The following RSPO3 variants were observed in gnomAD, a reference collection of about 807,000 sequenced individuals.
The protein encoded by RSPO3 is R-spondin 3.
A neutral mutation model predicts 36.5 loss-of-function variants in RSPO3; 17 were observed. That is an observed-to-expected ratio of 0.47 (90% CI 0.32 to 0.70). The LOEUF is 0.70. RSPO3 is among the 30% of genes least tolerant of loss of function. The pLI is 0.04. For synonymous variants in RSPO3, 108 were observed against 107.0 expected (o/e 1.01, Z -0.06); for missense variants, 294 against 322.5 (o/e 0.91, Z 0.68).
intron 4 of RSPO3, among the ~76,000 whole-genome samples, chr6:127,184,353 A>G (rs946791139): frequency 1.3e-5 from 2 of 152,058 alleles, no homozygotes; most frequent in Non-Finnish European, 1.5e-5. Flanking sequence ...ACAAAATTCA[A>G]TATCACCTTG....
intron 4 of RSPO3, among the ~76,000 whole-genome samples, chr6:127,183,859 C>T (rs560362261): frequency 5.9e-5 from 9 of 151,994 alleles, no homozygotes; most frequent in African/African-American, 1.2e-4. Flanking sequence ...AAGACATAAC[C>T]GAGACTGGGT....
At chr6:127,157,259 A>G (rs1056423589) in intron 4 of RSPO3, among the ~76,000 whole-genome samples, 3 of 152,134 alleles carry the variant, frequency 2.0e-5, no homozygotes, top group African/African-American at 7.2e-5. Flanking sequence ...GTCTTTGCTC[A>G]TATCATTCTT....
At chr6:127,180,770 C>T (rs188410849) in intron 4 of RSPO3, among the ~76,000 whole-genome samples, 2 of 151,744 alleles carry the variant, frequency 1.3e-5, no homozygotes, top group Admixed American at 1.3e-4. Flanking sequence ...TTCATAGAGA[C>T]CATTTATTAT....
Position 127,177,530 on chromosome 6 carries a change from A to G in RSPO3, c.635-18293A>G, listed in dbSNP as rs537195164. Among the ~76,000 whole-genome samples the G allele has an allele frequency of 1.6e-4, 24 of 151,996 alleles. No individual in the cohort carries two copies. The East Asian group carries it at 2.9e-3, about 18-fold the overall frequency. On this transcript the variant is annotated intron_variant, in intron 4 of 4. Transcript: ENST00000356698. Reference sequence around the variant, plus strand: ...ATTTGAGATTAGCACCAGATGCTCCATGCCAGTAATAAGTGCTGATCATAA... The same window carrying G: ...ATTTGAGATTAGCACCAGATGCTCCGTGCCAGTAATAAGTGCTGATCATAA...
intron 4 of RSPO3, among the ~76,000 whole-genome samples, chr6:127,189,072 G>T (rs1246553839): frequency 6.6e-6 from 1 of 152,070 alleles, no homozygotes; most frequent in Non-Finnish European, 1.5e-5. Flanking sequence ...AAAAGTAATG[G>T]CACAAACCAC....
chr6:127,180,498 A>C (rs895902826), intron 4 of RSPO3, among the ~76,000 whole-genome samples: 12 of 148,818 alleles, frequency 8.1e-5, no homozygotes, highest in African/African-American at 2.2e-4. Flanking sequence ...AAAAAAAAAA[A>C]AAAAAAAAAA....
Position 127,196,033 on chromosome 6 carries a change from T to G in RSPO3, c.*26T>G, listed in dbSNP as rs1341178059. 4 of 1,550,980 alleles carry G rather than the reference T, an allele frequency of 2.6e-6. No homozygotes were observed. Among genetic ancestry groups the G allele is most frequent in the Middle Eastern group, 1.7e-4 (1 of 5,826 alleles). ...AGGGTTCCATGAGATTATTGTAGAC[T>G]CATGATGCTGCTATCTCAACCAGAT... On this transcript the variant is annotated 3_prime_UTR_variant, in exon 5 of 5. Coordinates refer to ENST00000356698, the MANE Select transcript of RSPO3 (RefSeq NM_032784.5).
chr6:127,173,284 T>C (rs1014168287), intron 4 of RSPO3, among the ~76,000 whole-genome samples: 3 of 151,842 alleles, frequency 2.0e-5, no homozygotes, highest in African/African-American at 4.8e-5. Context: ...TAAAGCCAAA[T>C]AGTTTTCACA....
chr6:127,172,272 C>T (rs2114618790), intron 4 of RSPO3, among the ~76,000 whole-genome samples: 1 of 150,564 alleles, frequency 6.6e-6, no homozygotes, highest in Admixed American at 6.6e-5. Flanking sequence ...TGTTAATTTC[C>T]TAGTCTAAAA....
intron 4 of RSPO3, among the ~76,000 whole-genome samples, chr6:127,184,191 C>T (rs1178660005): frequency 6.6e-6 from 1 of 151,938 alleles, no homozygotes; most frequent in African/African-American, 2.4e-5. Flanking sequence ...AACCACCCTA[C>T]TCCAAAATAA....
At position 127,164,168 on chromosome 6, in the gene RSPO3, G is replaced by A. The variant is rs571270801; in HGVS notation, c.634+8730G>A. Among the ~76,000 whole-genome samples, 5 of 152,134 alleles carry A rather than the reference G, an allele frequency of 3.3e-5. No individual in the cohort carries two copies. The South Asian group carries it at 1.0e-3, about 32-fold the overall frequency. ...AAAGGATTCCAATGGACCCTACTTT[G>A]AATCACTGTGGCAGAGGAATTGGGG... On this transcript the variant is annotated intron_variant, in intron 4 of 4. Coordinates refer to ENST00000356698, the MANE Select transcript of RSPO3 (RefSeq NM_032784.5).
At chr6:127,177,949 A>G (rs529109846) in intron 4 of RSPO3, among the ~76,000 whole-genome samples, 7 of 151,784 alleles carry the variant, frequency 4.6e-5, no homozygotes, top group Admixed American at 4.6e-4. Context: ...CGTTAGTATT[A>G]GTCTCATAAT....
At chr6:127,182,144 T>C (rs1775201730) in intron 4 of RSPO3, among the ~76,000 whole-genome samples, 1 of 151,722 alleles carries the variant, frequency 6.6e-6, no homozygotes, top group African/African-American at 2.4e-5. Context: ...GAAACTCTCC[T>C]AGGAACTAAT....
chr6:127,137,429 A>G (rs1022573335), intron 1 of RSPO3, among the ~76,000 whole-genome samples: 52 of 152,166 alleles, frequency 3.4e-4, no homozygotes, highest in Non-Finnish European at 1.2e-4. Flanking sequence ...AGATAATTGT[A>G]TGGGCTTTCC....
At position 127,150,587 on chromosome 6, in the gene RSPO3, T is replaced by C. The variant is rs1237680897; in HGVS notation, c.436+15T>C. 5 of 1,597,890 alleles carry C rather than the reference T, an allele frequency of 3.1e-6. No homozygotes were observed. In the Admixed American group the frequency reaches 7.0e-5, roughly 22 times the overall value. ...TGTCAGTATTGGTAAGGAGAACCTG[T>C]AATAATTTGAGTAAGTGATAATGTC... On this transcript the variant is annotated intron_variant, in intron 3 of 4. Coordinates refer to ENST00000356698, the MANE Select transcript of RSPO3 (RefSeq NM_032784.5).
At chr6:127,173,988 C>T (rs188359166) in intron 4 of RSPO3, among the ~76,000 whole-genome samples, 58 of 151,894 alleles carry the variant, frequency 3.8e-4, no homozygotes, top group African/African-American at 1.2e-3. Context: ...GCACAGAGGG[C>T]GTTAAGCTAT....
At chr6:127,194,030 G>C (rs1416676726) in intron 4 of RSPO3, among the ~76,000 whole-genome samples, 1 of 152,098 alleles carries the variant, frequency 6.6e-6, no homozygotes, top group Non-Finnish European at 1.5e-5. Context: ...ATGTTGTGCT[G>C]AGCCCAACAA....
At chr6:127,136,050 C>T (rs777541514) in intron 1 of RSPO3, among the ~76,000 whole-genome samples, 1 of 151,958 alleles carries the variant, frequency 6.6e-6, no homozygotes, top group Non-Finnish European at 1.5e-5. Flanking sequence ...AAAGAGAGAC[C>T]AGAGAAGTAA....
In RSPO3 at chr6:127,197,558, G is replaced by T. The variant is rs1005865901; in HGVS notation, c.*1551G>T. On this transcript the variant is annotated 3_prime_UTR_variant, in exon 5 of 5. Coordinates refer to ENST00000356698, the MANE Select transcript of RSPO3 (RefSeq NM_032784.5). Reference sequence around the variant, plus strand: ...CCCACCTTAACCTTCCTGTTGTCATGGAAGGATGCACGGCTGCTCTGTCCA... The same window carrying T: ...CCCACCTTAACCTTCCTGTTGTCATTGAAGGATGCACGGCTGCTCTGTCCA... 3.3e-5 allele frequency: 51 copies of T among 1,548,136 alleles called. No individual in the cohort carries two copies. Among genetic ancestry groups the T allele is most frequent in the Non-Finnish European group, 3.9e-5 (45 of 1,146,330 alleles).
Sources: allele counts gnomAD v4.1 joint callset (sites outside exome capture counted in the v4.1 genomes callset), GRCh38; gene constraint gnomAD v4.1.1; transcripts MANE v1.5; gene names NCBI Gene and HGNC (gene_info 2026-07-23, HGNC 2026-07-21).